The following HEATR5A variants were observed in gnomAD, a reference collection of about 807,000 sequenced individuals.
HEATR5A encodes HEAT repeat-containing protein 5A.
In HEATR5A, 178 loss-of-function variants were observed where a neutral mutation model predicts 218.8. The ratio of observed to expected loss-of-function variants is 0.81; its 90% confidence interval spans 0.72 to 0.92. The LOEUF (loss-of-function observed/expected upper bound fraction) is 0.92. Among genes scored for constraint, HEATR5A ranks in the 40% least tolerant of loss-of-function variants. The probability of loss-of-function intolerance (pLI) is 0.00; values close to 1 mark genes in which losing one functional copy is unlikely to be tolerated. For missense variants in HEATR5A, 2,420 were observed against 2,418.9 expected, an observed-to-expected ratio of 1.00 and a Z score of -0.01; for synonymous variants, 864 against 871.6, an observed-to-expected ratio of 0.99 and a Z score of 0.15.
At chr14:31,367,025 T>C (rs1901829605) in intron 13 of HEATR5A, among the ~76,000 whole-genome samples, 1 of 152,182 alleles carries the variant, frequency 6.6e-6, no homozygotes, top group Admixed American at 6.5e-5. Context: ...AGTTATCTAA[T>C]AAAGTTAGCA....
chr14:31,350,968 T>C (rs1045212800), intron 16 of HEATR5A, among the ~76,000 whole-genome samples: 5 of 152,122 alleles, frequency 3.3e-5, no homozygotes, highest in Middle Eastern at 3.2e-3. Context: ...AGTAGAGTAG[T>C]AGTAGTTTCA....
intron 17 of HEATR5A, 140 bp from the exon 18 acceptor site, chr14:31,350,119 C>T: frequency 3.9e-6 from 2 of 517,666 alleles, no homozygotes; most frequent in South Asian, 8.5e-5. Flanking sequence ...ACACAAAAAT[C>T]CACACTGATA....
chr14:31,398,508 T>C (rs1281277421), intron 4 of HEATR5A, among the ~76,000 whole-genome samples, 165 bp downstream of exon 4: 1 of 152,232 alleles, frequency 6.6e-6, no homozygotes, highest in Admixed American at 6.5e-5. Flanking sequence ...GGATTCAATA[T>C]ACAGAGTACA....
chr14:31,375,704 C>T (rs1902201558), intron 11 of HEATR5A, among the ~76,000 whole-genome samples: 1 of 152,064 alleles, frequency 6.6e-6, no homozygotes, highest in Non-Finnish European at 1.5e-5. Flanking sequence ...TATTCTTGAT[C>T]TTCAGAATAA....
chr14:31,393,678 A>G (rs987470143), intron 6 of HEATR5A, among the ~76,000 whole-genome samples: 12 of 151,538 alleles, frequency 7.9e-5, no homozygotes, highest in Non-Finnish European at 1.2e-4. Flanking sequence ...TTTGAGATGA[A>G]GTTTCGCTTT....
chr14:31,373,282 G>T (rs1018077665), intron 12 of HEATR5A, among the ~76,000 whole-genome samples: 2 of 150,814 alleles, frequency 1.3e-5, no homozygotes, highest in Admixed American at 1.3e-4. Flanking sequence ...CAAAATCAAT[G>T]CTTCCATGTC....
intron 33 of HEATR5A, 156 bp from the exon 34 acceptor site, chr14:31,296,219 T>G (rs1052483653): frequency 1.5e-5 from 8 of 533,392 alleles, no homozygotes; most frequent in Non-Finnish European, 2.3e-5. Flanking sequence ...TTTTAAGATG[T>G]GCATTATAAG....
At chr14:31,313,573 C>A (rs909161165) in intron 27 of HEATR5A, among the ~76,000 whole-genome samples, 1 of 152,138 alleles carries the variant, frequency 6.6e-6, no homozygotes, top group Non-Finnish European at 1.5e-5. Flanking sequence ...TCAAATGTAT[C>A]ACTAAAGCTC....
chr14:31,337,413 T>C (rs1204180857), intron 22 of HEATR5A, 63 bp downstream of exon 22: 12 of 1,363,960 alleles, frequency 8.8e-6, no homozygotes, highest in Admixed American at 4.5e-5. Context: ...CTCATGTATA[T>C]ATGGAAAATT....
rs1198236690 is a variant in HEATR5A at position 31,419,150 on chromosome 14, T to C, written c.-75+1322A>G. On this transcript the variant is annotated intron_variant, in intron 1 of 35. Coordinates refer to ENST00000543095, the MANE Select transcript of HEATR5A (RefSeq NM_015473.4). ...GGTCTCCTGACTTTCAGGTGAGGAG[T>C]CTTTTCTTATTCTCCTATTCTATAG... Among the ~76,000 whole-genome samples the C allele has an allele frequency of 2.0e-5, 3 of 151,790 alleles. No individual in the cohort carries two copies. In the East Asian group the frequency reaches 5.8e-4, roughly 29 times the overall value.
chr14:31,387,006 TC>T (rs1372308056), intron 8 of HEATR5A, 113 bp downstream of exon 8: 4 of 1,018,836 alleles, frequency 3.9e-6, no homozygotes, highest in Non-Finnish European at 5.8e-6. Flanking sequence ...CTGAGGAACT[TC>T]TATCAGCCTT....
chr14:31,350,762 T>C (rs1166842227), intron 16 of HEATR5A, 45 bp from the exon 17 acceptor site: 2 of 14,258 alleles, frequency 1.4e-4, no homozygotes, highest in South Asian at 2.8e-3. Context: ...AGGTAAGTTT[T>C]TGTTTGTTTG....
At chr14:31,311,411 T>G (rs1248972133) in intron 28 of HEATR5A, among the ~76,000 whole-genome samples, 1 of 152,154 alleles carries the variant, frequency 6.6e-6, no homozygotes, top group East Asian at 1.9e-4. Flanking sequence ...CTGATTACAT[T>G]CTTTTAATTT....
intron 31 of HEATR5A, 104 bp downstream of exon 31, chr14:31,306,628 G>A: frequency 8.3e-7 from 1 of 1,203,066 alleles, no homozygotes; most frequent in South Asian, 1.9e-5. Context: ...TGTTTTATTT[G>A]TACCACACAC....
chr14:31,399,739 G>A (rs2030800905), intron 3 of HEATR5A, among the ~76,000 whole-genome samples: 1 of 152,074 alleles, frequency 6.6e-6, no homozygotes, highest in Non-Finnish European at 1.5e-5. Context: ...CTAAGACAGG[G>A]GAATCGCTCG....
At chr14:31,373,532 T>C (rs185963943) in intron 12 of HEATR5A, among the ~76,000 whole-genome samples, 14 of 152,240 alleles carry the variant, frequency 9.2e-5, no homozygotes, top group Admixed American at 5.9e-4. Context: ...GGTTTCACCA[T>C]GTTGTCTGGG....
In HEATR5A at chr14:31,387,367, C is replaced by T; in HGVS notation, c.942G>A (p.Val314=). The change falls in exon 8 of 36, where the codon GTG becomes GTA. Residue 314 remains valine (V), a synonymous_variant. Transcript: ENST00000543095. ...DVRVGVTQAY[V]VFVSTLGGAW... ...CTCCTCCTAGTGTTGAAACAAATAC[C>T]ACATAAGCCTAAAAAGGAAAAGAGT... 2.5e-6 allele frequency: 4 copies of T among 1,609,972 alleles called. No individual in the cohort carries two copies. Among genetic ancestry groups the T allele is most frequent in the Non-Finnish European group, 3.4e-6 (4 of 1,177,604 alleles).
At chr14:31,399,753 C>A (rs1352719749) in intron 3 of HEATR5A, among the ~76,000 whole-genome samples, 2 of 152,092 alleles carry the variant, frequency 1.3e-5, no homozygotes, top group Non-Finnish European at 2.9e-5. Context: ...TCGCTCGAAC[C>A]CAGGAGGCAG....
chr14:31,380,285 G>A (rs1723430243), intron 11 of HEATR5A, among the ~76,000 whole-genome samples, 182 bp downstream of exon 11: 1 of 152,142 alleles, frequency 6.6e-6, no homozygotes, highest in African/African-American at 2.4e-5. Context: ...GATCTCAAAA[G>A]GTTTTAAGCA....
Sources: allele counts gnomAD v4.1 joint callset (sites outside exome capture counted in the v4.1 genomes callset), GRCh38; gene constraint gnomAD v4.1.1; transcripts MANE v1.5; gene names NCBI Gene and HGNC (gene_info 2026-07-23, HGNC 2026-07-21).